AFDN: variants seen among roughly 807,000 people sequenced by gnomAD.
AFDN encodes afadin.
In AFDN, 68 loss-of-function variants were observed where a neutral mutation model predicts 216.6. The ratio of observed to expected loss-of-function variants is 0.31; its 90% CI spans 0.26 to 0.38. The LOEUF (loss-of-function observed/expected upper bound fraction) is 0.38. AFDN is among the 10% of genes least tolerant of loss of function. AFDN has a pLI of 1.00. For missense variants in AFDN, 2,136 were observed against 2,342.0 expected, an observed-to-expected ratio of 0.91 and a Z score of 1.82; for synonymous variants, 868 against 853.7, an observed-to-expected ratio of 1.02 and a Z score of -0.29.
chr6:167,868,003 G>A (rs1784378528), intron 2 of AFDN, among the ~76,000 whole-genome samples: 1 of 152,048 alleles, frequency 6.6e-6, no homozygotes. Flanking sequence ...TAAGACCCTT[G>A]TGCCGTCACC....
intron 2 of AFDN, among the ~76,000 whole-genome samples, chr6:167,867,462 T>G (rs953054533): frequency 1.3e-5 from 2 of 150,392 alleles, no homozygotes; most frequent in Admixed American, 6.6e-5. Flanking sequence ...CAGAGTCTCA[T>G]TCTGTCGCCC....
chr6:167,920,770 C>T (rs942343926), intron 21 of AFDN, among the ~76,000 whole-genome samples: 1 of 152,192 alleles, frequency 6.6e-6, no homozygotes, highest in Non-Finnish European at 1.5e-5. Context: ...TGTGCTGTTA[C>T]CGTTGTCGGT....
At position 167,970,025 on chromosome 6, in the gene AFDN, G is replaced by T; in HGVS notation, c.*90G>T. ...GAGTTTGAAGAGGAAAAGAGGAAGG[G>T]GGTTATATTTCTAAGTGATTTACAA... is the stretch of plus-strand genomic sequence containing the variant. On this transcript the variant is annotated 3_prime_UTR_variant, in exon 34 of 34. Coordinates refer to ENST00000683244, the MANE Select transcript of AFDN (RefSeq NM_001386888.1). The T allele has an allele frequency of 3.0e-6, 3 of 990,662 alleles. No homozygotes were observed. The highest frequency in any genetic ancestry group is 2.9e-6 in the Non-Finnish European group (2 of 695,230). 61.4% of individuals were successfully genotyped at this position (990,662 alleles called of 1,614,324 possible). A position where few individuals can be genotyped will look rare whatever the true frequency, so the allele number is the denominator to read the frequency against.
rs769862850 is a variant in AFDN at position 167,917,184 on chromosome 6, C to T, written c.2661C>T (p.Ala887=). ...CFKLNSLQLQ[A]LLQNYHCAPD... ...AGTTAAATTCATTACAACTTCAAGCCTTATTACAGAACTATCACTGTGCAC... is the reference window on the plus strand; with the variant it reads ...AGTTAAATTCATTACAACTTCAAGCTTTATTACAGAACTATCACTGTGCAC... Residue 887 remains alanine, a synonymous_variant, in exon 20 of 34, where the codon GCC becomes GCT. Transcript: ENST00000683244. 1.2e-6 allele frequency: 2 copies of T among 1,610,778 alleles called. No homozygotes were observed. Among genetic ancestry groups the T allele is most frequent in the East Asian group, 2.2e-5 (1 of 44,774 alleles).
intron 31 of AFDN, 50 bp from the exon 32 acceptor site, chr6:167,965,707 G>C (rs1264245840): frequency 4.1e-6 from 6 of 1,471,426 alleles, no homozygotes; most frequent in Middle Eastern, 2.0e-4. Context: ...TGGGTCGGCT[G>C]TTCCCTTCTC....
intron 1 of AFDN, among the ~76,000 whole-genome samples, chr6:167,854,169 A>G (rs555079854): frequency 3.0e-4 from 45 of 151,998 alleles, no homozygotes; most frequent in African/African-American, 1.1e-3. Flanking sequence ...AGTATTGTCT[A>G]TTTTAAAGTT....
intron 11 of AFDN, among the ~76,000 whole-genome samples, chr6:167,901,116 GTTTC>G (rs1251939213): frequency 2.0e-5 from 3 of 152,012 alleles, no homozygotes; most frequent in Non-Finnish European, 2.9e-5. Context: ...TTACTTCCTT[GTTTC>G]TTTCTATTGG....
intron 1 of AFDN, among the ~76,000 whole-genome samples, chr6:167,838,331 C>T (rs1780679886): frequency 6.6e-6 from 1 of 152,048 alleles, no homozygotes; most frequent in African/African-American, 2.4e-5. Context: ...CTCGCCATCT[C>T]GCTTAGTCCC....
At position 167,900,937 on chromosome 6, in the gene AFDN, A is replaced by G. The variant is rs564213504; in HGVS notation, c.1581-1380A>G. ...ATATTGCAGAAAGTTGTGTGCAGAA[A>G]ATTGACAATTATTTGGCCTTTAGTA... On this transcript the variant is annotated intron_variant, in intron 11 of 33. Transcript: ENST00000683244. 1.3e-4 allele frequency among the ~76,000 whole-genome samples: 20 copies of G among 152,336 alleles called. No individual in the cohort carries two copies. The Middle Eastern group carries it at 0.01, about 78-fold the overall frequency.
rs555167452 is a variant in AFDN at position 167,827,863 on chromosome 6, C to T, written c.105+626C>T. ...GAAGGGCCCTCTGCGGCGGCCTCTG[C>T]CCGGAGGGAGGCGCCGGCCCCAGGC... On this transcript the variant is annotated intron_variant, in intron 1 of 33. Transcript: ENST00000683244. 86 of 152,370 alleles carry T rather than the reference C, an allele frequency of 5.6e-4. 1 individual carries two copies. Among genetic ancestry groups the T allele is most frequent in the African/African-American group, 2.0e-3 (82 of 41,574 alleles). 9.4% of individuals were successfully genotyped at this position (152,370 alleles called of 1,614,324 possible).
At chr6:167,923,490 C>G (rs896554667) in intron 22 of AFDN, among the ~76,000 whole-genome samples, 2 of 152,082 alleles carry the variant, frequency 1.3e-5, no homozygotes, top group Non-Finnish European at 2.9e-5. Flanking sequence ...ATTAATTTGG[C>G]TTCCTGGCAT....
At chr6:167,896,469 G>A (rs1788262165) in intron 9 of AFDN, among the ~76,000 whole-genome samples, 1 of 152,188 alleles carries the variant, frequency 6.6e-6, no homozygotes, top group Non-Finnish European at 1.5e-5. Flanking sequence ...CCTGTATTGT[G>A]TTGTGTGCCA....
chr6:167,946,058 A>C (rs1011812982), intron 26 of AFDN, among the ~76,000 whole-genome samples: 1 of 152,224 alleles, frequency 6.6e-6, no homozygotes, highest in Non-Finnish European at 1.5e-5. Flanking sequence ...CTTGAAGCAA[A>C]CACACACCAC....
intron 23 of AFDN, among the ~76,000 whole-genome samples, chr6:167,930,390 G>T (rs1446153698): frequency 6.6e-6 from 1 of 152,142 alleles, no homozygotes; most frequent in Non-Finnish European, 1.5e-5. Context: ...AGATGAGACA[G>T]AATAATATGA....
In AFDN at chr6:167,911,683, T is replaced by C; in HGVS notation, c.2037+194T>C. ...ATGCAAGCTTTTTTCTATTTTGTTT[T>C]CCCTGTAAAACTTCAGCATAAGTGA... is the stretch of plus-strand genomic sequence containing the variant. On this transcript the variant is annotated intron_variant, in intron 15 of 33. Transcript: ENST00000683244. 3 of 587,748 alleles carry C rather than the reference T, an allele frequency of 5.1e-6. No individual in the cohort carries two copies. In the South Asian group the frequency reaches 6.6e-5, roughly 13 times the overall value. 36.4% of individuals were successfully genotyped at this position (587,748 alleles called of 1,614,324 possible).
At chr6:167,841,264 G>T (rs1461289599) in intron 1 of AFDN, among the ~76,000 whole-genome samples, 1 of 152,194 alleles carries the variant, frequency 6.6e-6, no homozygotes, top group Non-Finnish European at 1.5e-5. Context: ...GGTACTTGTG[G>T]ATTTCCCAGA....
chr6:167,896,562 C>G (rs1788278975), intron 9 of AFDN, among the ~76,000 whole-genome samples: 1 of 152,186 alleles, frequency 6.6e-6, no homozygotes. Context: ...ATTGCTACTA[C>G]AGTTGCTCCT....
chr6:167,931,942 C>G (rs967397426), intron 23 of AFDN, among the ~76,000 whole-genome samples: 2 of 152,206 alleles, frequency 1.3e-5, no homozygotes, highest in Non-Finnish European at 2.9e-5. Flanking sequence ...ATGGCACCCC[C>G]TCTCAAAGCC....
intron 1 of AFDN, among the ~76,000 whole-genome samples, chr6:167,857,001 GT>G (rs1019366076): frequency 2.6e-5 from 4 of 152,040 alleles, no homozygotes; most frequent in African/African-American, 9.7e-5. Context: ...TAAGAAAGAT[GT>G]TTACTACACA....
Sources: gnomAD v4.1 joint callset for allele counts (sites outside exome capture counted in the v4.1 genomes callset) on GRCh38, gnomAD v4.1.1 for gene constraint, MANE v1.5 for transcripts, NCBI Gene and HGNC (gene_info 2026-07-23, HGNC 2026-07-21) for gene names.